The following CADM2 variants were observed in gnomAD, a reference collection of about 807,000 sequenced individuals.
CADM2 encodes immunoglobulin superfamily member 4D.
In CADM2, 12 loss-of-function variants were observed where a neutral mutation model predicts 49.8. The ratio of observed to expected loss-of-function variants is 0.24; its 90% CI spans 0.15 to 0.39. The LOEUF is 0.39. Ranked by LOEUF, CADM2 falls within the 10% of genes least tolerant of loss-of-function variation. CADM2 has a pLI of 1.00. For synonymous variants in CADM2, 214 were observed against 175.4 expected, an observed-to-expected ratio of 1.22 and a Z score of -1.74; for missense variants, 378 against 492.3, an observed-to-expected ratio of 0.77 and a Z score of 2.20.
intron 2 of CADM2, among the ~76,000 whole-genome samples, chr3:85,783,661 A>C: frequency 6.6e-6 from 1 of 152,214 alleles, no homozygotes; most frequent in East Asian, 1.9e-4. Context: ...CATAAGCATT[A>C]TATATTTTTA....
At chr3:85,757,216 T>C (rs186508569) in intron 2 of CADM2, among the ~76,000 whole-genome samples, 1 of 152,268 alleles carries the variant, frequency 6.6e-6, no homozygotes, top group East Asian at 1.9e-4. Context: ...TGCAATGATA[T>C]TAGAAGACTA....
At chr3:85,907,910 C>CAAA (rs1257950513) in intron 5 of CADM2, among the ~76,000 whole-genome samples, 1 of 105,754 alleles carries the variant, frequency 9.5e-6, no homozygotes. Context: ...GACTCTGTCT[C>CAAA]AAAAAAAAAA....
chr3:85,685,943 G>C (rs1300681171), intron 1 of CADM2, among the ~76,000 whole-genome samples: 1 of 152,068 alleles, frequency 6.6e-6, no homozygotes, highest in Non-Finnish European at 1.5e-5. Context: ...TACTGATAGA[G>C]AATCATGATT....
chr3:85,571,462 T>A (rs1382958870), intron 1 of CADM2, among the ~76,000 whole-genome samples: 1 of 152,098 alleles, frequency 6.6e-6, no homozygotes, highest in East Asian at 1.9e-4. Context: ...AAATGTCAGC[T>A]GTGTGTCTGT....
At chr3:85,876,172 G>A (rs140821359) in intron 3 of CADM2, among the ~76,000 whole-genome samples, 23 of 152,248 alleles carry the variant, frequency 1.5e-4, no homozygotes, top group African/African-American at 5.3e-4. Context: ...AGTCTTATGA[G>A]TGTAAATGTT....
At chr3:85,108,890 C>A (rs935509440) in intron 1 of CADM2, among the ~76,000 whole-genome samples, 1 of 151,938 alleles carries the variant, frequency 6.6e-6, no homozygotes, top group Non-Finnish European at 1.5e-5. Flanking sequence ...GAAAGCAATT[C>A]TTTAAAGCTT....
intron 1 of CADM2, among the ~76,000 whole-genome samples, chr3:85,290,782 A>T (rs1403701441): frequency 6.6e-6 from 1 of 152,298 alleles, no homozygotes; most frequent in East Asian, 1.9e-4. Flanking sequence ...CCAAAAACCC[A>T]TCTGTACATC....
intron 1 of CADM2, among the ~76,000 whole-genome samples, chr3:85,017,586 T>G (rs939515750): frequency 6.6e-6 from 1 of 152,196 alleles, no homozygotes; most frequent in African/African-American, 2.4e-5. Context: ...TAAAATTCAA[T>G]CTCATCTTTT....
chr3:85,648,744 T>C (rs182270457), intron 1 of CADM2, among the ~76,000 whole-genome samples: 1 of 152,172 alleles, frequency 6.6e-6, no homozygotes, highest in African/African-American at 2.4e-5. Context: ...GATGGCTTAG[T>C]TTTACACACA....
chr3:85,956,582 C>T (rs1036347330), intron 7 of CADM2, among the ~76,000 whole-genome samples: 1 of 151,116 alleles, frequency 6.6e-6, no homozygotes, highest in African/African-American at 2.4e-5. Flanking sequence ...AGATCAGTGT[C>T]AGCAAAGACT....
intron 1 of CADM2, among the ~76,000 whole-genome samples, chr3:85,180,224 A>G (rs748016052): frequency 6.6e-6 from 1 of 152,062 alleles, no homozygotes; most frequent in Admixed American, 6.6e-5. Context: ...AAAAAAGGGG[A>G]AAAAGGCAGA....
At chr3:85,826,176 A>G (rs1271505457) in intron 3 of CADM2, among the ~76,000 whole-genome samples, 3 of 151,990 alleles carry the variant, frequency 2.0e-5, no homozygotes, top group Non-Finnish European at 4.4e-5. Context: ...TGACTCATTT[A>G]TTATATATTT....
At chr3:85,928,413 T>G (rs1165237055) in intron 6 of CADM2, among the ~76,000 whole-genome samples, 1 of 152,120 alleles carries the variant, frequency 6.6e-6, no homozygotes, top group East Asian at 1.9e-4. Context: ...CACCTCGGCC[T>G]CCGAAAGTGC....
intron 1 of CADM2, among the ~76,000 whole-genome samples, chr3:85,288,784 G>GC (rs60466682): frequency 0.048 from 4,209 of 87,916 alleles, 325 homozygotes; most frequent in African/African-American, 0.11. Context: ...TTACCAATAT[G>GC]CCCCCCCCCC....
chr3:85,890,464 G>A (rs372229667), intron 5 of CADM2, among the ~76,000 whole-genome samples: 18 of 152,104 alleles, frequency 1.2e-4, no homozygotes, highest in African/African-American at 3.9e-4. Context: ...TACCTGTGAA[G>A]AAAAGCTGGT....
intron 8 of CADM2, among the ~76,000 whole-genome samples, chr3:86,036,253 A>T (rs1735143370): frequency 6.6e-6 from 1 of 152,122 alleles, no homozygotes; most frequent in Non-Finnish European, 1.5e-5. Flanking sequence ...TATACTTTGC[A>T]TCCTTACTTC....
intron 8 of CADM2, among the ~76,000 whole-genome samples, chr3:86,039,830 C>A (rs1324129956): frequency 6.6e-6 from 1 of 151,872 alleles, no homozygotes; most frequent in African/African-American, 2.4e-5. Flanking sequence ...GGGAGGCACC[C>A]CCCAGTAGGG....
At chr3:84,986,767 A>T (rs2032584663) in intron 1 of CADM2, among the ~76,000 whole-genome samples, 1 of 151,622 alleles carries the variant, frequency 6.6e-6, no homozygotes, top group Non-Finnish European at 1.5e-5. Context: ...AATAAAATAA[A>T]AAAAAAAGAA....
intron 1 of CADM2, among the ~76,000 whole-genome samples, chr3:85,699,248 G>T (rs1017747588): frequency 8.5e-5 from 13 of 152,184 alleles, no homozygotes; most frequent in African/African-American, 2.9e-4. Flanking sequence ...AAGAGCTGAT[G>T]TTGAGTGTCT....
Sources: allele counts gnomAD v4.1 joint callset (sites outside exome capture counted in the v4.1 genomes callset), GRCh38; gene constraint gnomAD v4.1.1; transcripts MANE v1.5; gene names NCBI Gene and HGNC (gene_info 2026-07-23, HGNC 2026-07-21).